UNC13C: variants seen among roughly 807,000 people sequenced by gnomAD.
The protein encoded by UNC13C is protein unc-13 homolog C.
A neutral mutation model predicts 245.4 loss-of-function variants in UNC13C; 174 were observed. The ratio of observed to expected loss-of-function variants is 0.71; its 90% CI spans 0.63 to 0.80. The LOEUF (loss-of-function observed/expected upper bound fraction) is 0.80. Ranked by LOEUF, UNC13C falls within the 30% of genes least tolerant of loss-of-function variation. UNC13C has a pLI of 0.00. For synonymous variants in UNC13C, 992 were observed against 895.1 expected, an observed-to-expected ratio of 1.11 and a Z score of -1.93; for missense variants, 2,829 against 2,602.9, an observed-to-expected ratio of 1.09 and a Z score of -1.89.
intron 2 of UNC13C, among the ~76,000 whole-genome samples, chr15:54,088,488 G>T (rs143074386): frequency 6.6e-6 from 1 of 152,046 alleles, no homozygotes; most frequent in African/African-American, 2.4e-5. Context: ...ATCGGATGGC[G>T]GTTCTGCTGA....
chr15:54,051,982 A>T (rs1037071402), intron 2 of UNC13C, among the ~76,000 whole-genome samples: 1 of 128,940 alleles, frequency 7.8e-6, no homozygotes, highest in African/African-American at 3.0e-5. Context: ...TCATTGTTCA[A>T]TTCCCACCTA....
At chr15:54,045,140 T>C (rs1297772441) in intron 2 of UNC13C, among the ~76,000 whole-genome samples, 3 of 152,168 alleles carry the variant, frequency 2.0e-5, no homozygotes, top group Non-Finnish European at 2.9e-5. Context: ...TAGCTAACCA[T>C]TGCCAAATCC....
At chr15:53,879,095 C>CT in the UNC13C span, among the ~76,000 whole-genome samples, 1 of 152,026 alleles carries the variant, frequency 6.6e-6, no homozygotes, top group East Asian at 1.9e-4. Context: ...AAAAAAATTA[C>CT]TTTTTTTAGC....
the UNC13C span, among the ~76,000 whole-genome samples, chr15:53,941,446 G>T: frequency 0.33 from 50,144 of 151,968 alleles, 8,333 homozygotes; most frequent in Middle Eastern, 0.34. Context: ...ATTGACAAAT[G>T]GGATCTAATT....
intron 4 of UNC13C, among the ~76,000 whole-genome samples, chr15:54,179,663 T>A (rs947304682): frequency 1.3e-5 from 2 of 152,066 alleles, no homozygotes; most frequent in African/African-American, 2.4e-5. Context: ...ATATGTGCAA[T>A]TGGAGTGCCA....
chr15:54,452,565 ACAGCATGCT>A (rs1395862018), intron 19 of UNC13C, among the ~76,000 whole-genome samples: 4 of 152,166 alleles, frequency 2.6e-5, no homozygotes, highest in African/African-American at 9.7e-5. Context: ...AGATTCCTGG[ACAGCATGCT>A]CAGGTACTAG....
intron 2 of UNC13C, among the ~76,000 whole-genome samples, chr15:54,035,595 G>A (rs1034475415): frequency 1.3e-5 from 2 of 152,102 alleles, no homozygotes; most frequent in African/African-American, 4.8e-5. Context: ...TTAGATGCAT[G>A]CACCTTTGTC....
Position 54,392,281 on chromosome 15 carries a change from A to G in UNC13C, c.4714-767A>G, listed in dbSNP as rs193098898. Among the ~76,000 whole-genome samples, 276 of 152,224 alleles carry G rather than the reference A, an allele frequency of 1.8e-3. 1 individual carries two copies. The highest frequency in any genetic ancestry group is 3.1e-3 in the Non-Finnish European group (213 of 67,940). Reference sequence around the variant, plus strand: ...ATGAAATTTATATGTGAAACATTCAAGATTGATATTGTACTCTGTTAACCT... The same window carrying G: ...ATGAAATTTATATGTGAAACATTCAGGATTGATATTGTACTCTGTTAACCT... On this transcript the variant is annotated intron_variant, in intron 17 of 32. Coordinates refer to ENST00000260323, the MANE Select transcript of UNC13C (RefSeq NM_001080534.3).
At chr15:53,996,177 A>C (rs1894624143) in intron 1 of UNC13C, among the ~76,000 whole-genome samples, 1 of 152,222 alleles carries the variant, frequency 6.6e-6, no homozygotes, top group African/African-American at 2.4e-5. Flanking sequence ...ATTCTTGCAT[A>C]TTAGAGATGT....
chr15:54,560,590 C>T (rs988967232), intron 29 of UNC13C, among the ~76,000 whole-genome samples: 2 of 151,874 alleles, frequency 1.3e-5, no homozygotes, highest in Admixed American at 6.6e-5. Flanking sequence ...GATAATAGTG[C>T]TCCTTATCAC....
At chr15:54,462,849 T>C (rs34298302) in intron 19 of UNC13C, among the ~76,000 whole-genome samples, 71,173 of 152,014 alleles carry the variant, frequency 0.47, 17,128 homozygotes, top group East Asian at 0.72. Context: ...CATGTGGTGC[T>C]GGACTGGCAG....
chr15:53,915,506 T>G, the UNC13C span, among the ~76,000 whole-genome samples: 148 of 152,344 alleles, frequency 9.7e-4, no homozygotes, highest in African/African-American at 3.4e-3. Flanking sequence ...ACAGCACTTA[T>G]GACCAATGAA....
chr15:54,211,474 T>C (rs1054041034), intron 4 of UNC13C, among the ~76,000 whole-genome samples: 1 of 152,120 alleles, frequency 6.6e-6, no homozygotes, highest in Non-Finnish European at 1.5e-5. Context: ...AGCATTTGCC[T>C]TTTTTCCTAG....
chr15:54,430,504 T>A (rs1466400724), intron 19 of UNC13C, among the ~76,000 whole-genome samples: 1 of 151,706 alleles, frequency 6.6e-6, no homozygotes, highest in Non-Finnish European at 1.5e-5. Context: ...CATTTTTTAA[T>A]GTGTTAATTG....
chr15:53,940,161 T>G, the UNC13C span, among the ~76,000 whole-genome samples: 3 of 152,046 alleles, frequency 2.0e-5, no homozygotes, highest in South Asian at 2.1e-4. Context: ...GATAAGGGCT[T>G]AGAAATGTAA....
chr15:53,919,070 C>T, the UNC13C span, among the ~76,000 whole-genome samples: 2 of 152,238 alleles, frequency 1.3e-5, no homozygotes, highest in African/African-American at 4.8e-5. Flanking sequence ...TTTCCTAACT[C>T]GCCAATTTTT....
At chr15:54,176,506 A>G (rs1432543485) in intron 4 of UNC13C, among the ~76,000 whole-genome samples, 1 of 152,114 alleles carries the variant, frequency 6.6e-6, no homozygotes, top group Non-Finnish European at 1.5e-5. Context: ...CCTTATGATA[A>G]TATTTCTACA....
At chr15:54,446,485 A>T in intron 19 of UNC13C, among the ~76,000 whole-genome samples, 1 of 152,178 alleles carries the variant, frequency 6.6e-6, no homozygotes, top group Non-Finnish European at 1.5e-5. Context: ...ATTGGTTTCT[A>T]GTTCTCCTTG....
chr15:54,415,365 G>A (rs973831404), intron 19 of UNC13C, among the ~76,000 whole-genome samples: 1 of 152,100 alleles, frequency 6.6e-6, no homozygotes, highest in East Asian at 1.9e-4. Flanking sequence ...ACCAAAGCAG[G>A]CCATATTGAG....
Sources: allele counts gnomAD v4.1 joint callset (sites outside exome capture counted in the v4.1 genomes callset), GRCh38; gene constraint gnomAD v4.1.1; transcripts MANE v1.5; gene names NCBI Gene and HGNC (gene_info 2026-07-23, HGNC 2026-07-21).